Variants in GALNT17 observed in about 807,000 individuals in gnomAD.
GALNT17 encodes the protein UDP-GalNAc:polypeptide N-acetylgalactosaminyltransferase-like 3.
A neutral mutation model predicts 63.7 loss-of-function variants in GALNT17; 29 were observed. The ratio of observed to expected loss-of-function variants is 0.46; its 90% CI spans 0.34 to 0.62. The LOEUF (loss-of-function observed/expected upper bound fraction) is 0.62, where lower values mean the gene tolerates loss of function less well. GALNT17 is among the 20% of genes least tolerant of loss of function. The pLI, the probability that GALNT17 is intolerant of heterozygous loss-of-function variation, is 0.01. For synonymous variants in GALNT17, 305 were observed against 318.3 expected (o/e 0.96, Z 0.45); for missense variants, 603 against 799.6 (o/e 0.75, Z 2.97).
intron 1 of GALNT17, among the ~76,000 whole-genome samples, chr7:71,223,365 A>G (rs955146222): frequency 6.6e-6 from 1 of 152,092 alleles, no homozygotes; most frequent in African/African-American, 2.4e-5. Context: ...TCATGTATTT[A>G]TATCAGTATG....
At chr7:71,448,415 G>A (rs1787196928) in intron 5 of GALNT17, among the ~76,000 whole-genome samples, 1 of 151,252 alleles carries the variant, frequency 6.6e-6, no homozygotes, top group East Asian at 1.9e-4. Context: ...TTTTTGTTTG[G>A]GTGTTGAACC....
chr7:71,407,846 G>A (rs1793356588), intron 3 of GALNT17, among the ~76,000 whole-genome samples: 1 of 152,112 alleles, frequency 6.6e-6, no homozygotes, highest in Non-Finnish European at 1.5e-5. Context: ...CCATTTTCAT[G>A]AACCATGTGT....
At chr7:71,275,724 GAGA>G (rs1324116529) in intron 1 of GALNT17, among the ~76,000 whole-genome samples, 1 of 152,200 alleles carries the variant, frequency 6.6e-6, no homozygotes, top group African/African-American at 2.4e-5. Flanking sequence ...ATAGGAAGGA[GAGA>G]AGGAGGCAAT....
At chr7:71,545,009 G>A (rs1441582226) in intron 5 of GALNT17, among the ~76,000 whole-genome samples, 4 of 152,052 alleles carry the variant, frequency 2.6e-5, no homozygotes, top group African/African-American at 9.7e-5. Flanking sequence ...ACTACTGTTG[G>A]CAACAGGGAG....
chr7:71,401,966 T>G (rs995407754), intron 3 of GALNT17, among the ~76,000 whole-genome samples: 1 of 152,188 alleles, frequency 6.6e-6, no homozygotes, highest in Non-Finnish European at 1.5e-5. Context: ...TTGTTCCTGG[T>G]GCCAAAAAGG....
At chr7:71,400,798 G>A (rs1486719289) in intron 3 of GALNT17, among the ~76,000 whole-genome samples, 3 of 152,174 alleles carry the variant, frequency 2.0e-5, no homozygotes, top group Non-Finnish European at 2.9e-5. Context: ...ATGACTGATT[G>A]GTTATAAAGA....
intron 1 of GALNT17, among the ~76,000 whole-genome samples, chr7:71,217,802 C>T (rs1304492387): frequency 2.6e-5 from 4 of 152,020 alleles, no homozygotes; most frequent in Non-Finnish European, 5.9e-5. Context: ...GTAGCAGGTG[C>T]CTGTAGTCCC....
chr7:71,402,559 C>T (rs1252139264), intron 3 of GALNT17, among the ~76,000 whole-genome samples: 1 of 152,122 alleles, frequency 6.6e-6, no homozygotes, highest in Non-Finnish European at 1.5e-5. Flanking sequence ...TCTCCCATCA[C>T]CATCATTTGA....
chr7:71,397,995 G>C (rs28489535), intron 3 of GALNT17, among the ~76,000 whole-genome samples: 6,405 of 151,774 alleles, frequency 0.042, 246 homozygotes, highest in African/African-American at 0.1. Flanking sequence ...AGAACCAAAG[G>C]CATTCTGATT....
chr7:71,366,790 C>T lies in GALNT17; in HGVS notation c.423-21445C>T, dbSNP rs1018434814. 2.6e-5 allele frequency among the ~76,000 whole-genome samples: 4 copies of T among 152,174 alleles called. No homozygotes were observed. In the East Asian group the frequency reaches 5.8e-4, roughly 22 times the overall value. ...CCTGTTTATATGTCACCCAACAGTACATGAGTGGCCTTCCTCACACCTGAC... is the reference window on the plus strand; with the variant it reads ...CCTGTTTATATGTCACCCAACAGTATATGAGTGGCCTTCCTCACACCTGAC... On this transcript the variant is annotated intron_variant, in intron 2 of 10. Coordinates refer to ENST00000333538, the MANE Select transcript of GALNT17 (RefSeq NM_022479.3).
At chr7:71,359,450 T>C (rs761416871) in intron 2 of GALNT17, among the ~76,000 whole-genome samples, 2 of 152,264 alleles carry the variant, frequency 1.3e-5, no homozygotes, top group Middle Eastern at 3.4e-3. Flanking sequence ...ACCATGAGGA[T>C]AGCTCCAAGG....
At position 71,421,025 on chromosome 7, in the gene GALNT17, G is replaced by A. The variant is rs1316905994; in HGVS notation, c.882G>A (p.Gly294=). 1 of 1,614,152 alleles carries A rather than the reference G, an allele frequency of 6.2e-7. No individual in the cohort carries two copies. Among genetic ancestry groups the A allele is most frequent in the Non-Finnish European group, 8.5e-7 (1 of 1,180,022 alleles). Residue 294 remains glycine (G), a synonymous_variant, in exon 5 of 11, where the codon GGG becomes GGA. Coordinates refer to ENST00000333538, the MANE Select transcript of GALNT17 (RefSeq NM_022479.3). ...AGCGGTACGAGAACTCGGCCCACGG[G>A]TACAGCTGGGAGCTGTGGTGCATGT... ...EVQRYENSAH[G]YSWELWCMYI... is the part of the protein sequence containing the mutation.
At chr7:71,426,185 A>G (rs1396284833) in intron 5 of GALNT17, among the ~76,000 whole-genome samples, 1 of 152,146 alleles carries the variant, frequency 6.6e-6, no homozygotes, top group African/African-American at 2.4e-5. Flanking sequence ...GAGCCAAACC[A>G]CGTCAGTGGG....
rs1210113511 is a variant in GALNT17, at chr7:71,336,012, TTCTTCCTTCTTCTTTCTTCC to T, written c.422+281_422+300del. 2.2e-3 allele frequency among the ~76,000 whole-genome samples: 64 copies of T among 29,258 alleles called. 3 individuals carry two copies. The highest frequency in any genetic ancestry group is 0.014 in the African/African-American group (58 of 4,228). The allele number at this position is 29,258 out of a possible 152,430, so 19.2% of individuals were successfully genotyped here. A position where few individuals can be genotyped will look rare whatever the true frequency, so the allele number is the denominator to read the frequency against. ...TTCTTCTTCTTCTTCTTCTTCCTTC[TTCTTCCTTCTTCTTTCTTCC>T]TTTTTTTTTTTTTTTTTTTTTTTTT... On this transcript the variant is annotated intron_variant, in intron 2 of 10. Coordinates refer to ENST00000333538, the MANE Select transcript of GALNT17 (RefSeq NM_022479.3).
chr7:71,307,639 G>A (rs1791330196), intron 1 of GALNT17: 1 of 152,826 alleles, frequency 6.5e-6, no homozygotes, highest in Non-Finnish European at 1.5e-5. Flanking sequence ...CACCCACTCT[G>A]TGCTCCGTTA....
intron 1 of GALNT17, among the ~76,000 whole-genome samples, chr7:71,317,552 G>A (rs1443513421): frequency 3.3e-5 from 5 of 152,076 alleles, no homozygotes; most frequent in African/African-American, 9.7e-5. Context: ...TAGGATGTGA[G>A]CCCAATGGGG....
rs186360316 is a variant in GALNT17, at chr7:71,443,269, C to T, written c.962+22164C>T. The stretch of plus-strand genomic sequence containing the variant: ...CCTTCTCTAGGATGGCTTCTGGGTA[C>T]GTGGGGAGAGGGAGGGTTTATTTTG... On this transcript the variant is annotated intron_variant, in intron 5 of 10. Transcript: ENST00000333538. Among the ~76,000 whole-genome samples, 13 of 152,196 alleles carry T rather than the reference C, an allele frequency of 8.5e-5. No homozygotes were observed. In the East Asian group the frequency reaches 1.4e-3, roughly 16 times the overall value.
At chr7:71,170,310 T>C (rs1280434873) in intron 1 of GALNT17, among the ~76,000 whole-genome samples, 6 of 152,128 alleles carry the variant, frequency 3.9e-5, no homozygotes, top group African/African-American at 4.8e-5. Flanking sequence ...AGTTTAAAAG[T>C]TGAAGCTTTA....
chr7:71,707,911 T>G (rs974251153), intron 9 of GALNT17, among the ~76,000 whole-genome samples: 1 of 152,190 alleles, frequency 6.6e-6, no homozygotes, highest in African/African-American at 2.4e-5. Flanking sequence ...GGGAACAGAC[T>G]CCATTTCTTG....
Sources: gnomAD v4.1 joint callset for allele counts (sites outside exome capture counted in the v4.1 genomes callset) on GRCh38, gnomAD v4.1.1 for gene constraint, MANE v1.5 for transcripts, NCBI Gene and HGNC (gene_info 2026-07-23, HGNC 2026-07-21) for gene names.